ATP6V0D2: variants seen among roughly 807,000 people sequenced by gnomAD.
The protein encoded by ATP6V0D2 is ATPase H+ transporting V0 subunit d2.
ATP6V0D2 carries 40 observed loss-of-function variants against 40.0 expected under a neutral mutation model. The ratio of observed to expected loss-of-function variants is 1.00; its 90% CI spans 0.78 to 1.30. The LOEUF (loss-of-function observed/expected upper bound fraction) is 1.30, where lower values mean the gene tolerates loss of function less well. Among genes scored for constraint, ATP6V0D2 ranks in the 50% most tolerant of loss-of-function variants. The pLI is 0.00. For synonymous variants in ATP6V0D2, 179 were observed against 156.3 expected, an observed-to-expected ratio of 1.15 and a Z score of -1.08; for missense variants, 470 against 423.1, an observed-to-expected ratio of 1.11 and a Z score of -0.97.
intron 2 of ATP6V0D2, among the ~76,000 whole-genome samples, chr8:86,134,822 C>A (rs1818876608): frequency 6.6e-6 from 1 of 152,090 alleles, no homozygotes; most frequent in African/African-American, 2.4e-5. Flanking sequence ...TATATCAATA[C>A]CATGGAATAC....
At chr8:86,137,721 C>T (rs138190128) in intron 2 of ATP6V0D2, among the ~76,000 whole-genome samples, 267 of 152,234 alleles carry the variant, frequency 1.8e-3, no homozygotes, top group Admixed American at 2.8e-3. Flanking sequence ...ACACATCACC[C>T]CAAAAACTAA....
intron 2 of ATP6V0D2, among the ~76,000 whole-genome samples, chr8:86,116,941 TG>T (rs1818597638): frequency 6.6e-6 from 1 of 152,232 alleles, no homozygotes; most frequent in African/African-American, 2.4e-5. Context: ...AGTATCTCTT[TG>T]CTTCAATTTA....
chr8:86,148,964 G>T (rs913160336), intron 5 of ATP6V0D2, among the ~76,000 whole-genome samples: 2 of 146,940 alleles, frequency 1.4e-5, no homozygotes, highest in Admixed American at 6.9e-5. Flanking sequence ...CACTTGGGAG[G>T]CTGAGGTGGG....
At chr8:86,136,055 T>A (rs1466976120) in intron 2 of ATP6V0D2, among the ~76,000 whole-genome samples, 1 of 152,166 alleles carries the variant, frequency 6.6e-6, no homozygotes, top group Admixed American at 6.5e-5. Flanking sequence ...GAGACACCCC[T>A]GCCCCTCATT....
intron 2 of ATP6V0D2, among the ~76,000 whole-genome samples, chr8:86,120,840 T>C (rs567238707): frequency 2.0e-5 from 3 of 152,300 alleles, no homozygotes; most frequent in Admixed American, 1.3e-4. Flanking sequence ...TCTAGCAAGA[T>C]AATGATCTCA....
intron 1 of ATP6V0D2, 55 bp from the exon 2 acceptor site, chr8:86,113,654 A>G (rs1818554195): frequency 1.4e-6 from 2 of 1,457,032 alleles, no homozygotes; most frequent in South Asian, 2.7e-5. Flanking sequence ...ATGTTGAAAA[A>G]GCTATTTGTG....
rs1818993685 is a variant in ATP6V0D2 at position 86,142,820 on chromosome 8, AT to A, written c.562-53del. On this transcript the variant is annotated intron_variant, in intron 4 of 7. Coordinates refer to ENST00000285393, the MANE Select transcript of ATP6V0D2 (RefSeq NM_152565.1). ...TAAACCATGAAAAGCTGATCTAGAC[AT>A]TTTCAAAAGGAATATATATTCATTA... The A allele has an allele frequency of 8.8e-6, 10 of 1,141,398 alleles. No individual in the cohort carries two copies. In the South Asian group the frequency reaches 1.4e-4, roughly 16 times the overall value. The allele number at this position is 1,141,398 out of a possible 1,614,324, so 70.7% of individuals were successfully genotyped here. A position where few individuals can be genotyped will look rare whatever the true frequency, so the allele number is the denominator to read the frequency against.
chr8:86,104,825 C>A (rs978722619), intron 1 of ATP6V0D2, among the ~76,000 whole-genome samples: 1 of 134,678 alleles, frequency 7.4e-6, no homozygotes, highest in Admixed American at 7.7e-5. Flanking sequence ...AAAGACATAT[C>A]CAATTCTCTC....
intron 2 of ATP6V0D2, among the ~76,000 whole-genome samples, chr8:86,126,245 T>TATATATATATATATATATATATATATAG (rs1818742030): frequency 8.1e-6 from 1 of 123,998 alleles, no homozygotes; most frequent in Non-Finnish European, 1.7e-5. Flanking sequence ...CCTATATATA[T>TATATATATATATATATATATATATATAG]ATATATATAT....
At chr8:86,123,835 G>A (rs1342999207) in intron 2 of ATP6V0D2, among the ~76,000 whole-genome samples, 1 of 152,048 alleles carries the variant, frequency 6.6e-6, no homozygotes, top group Non-Finnish European at 1.5e-5. Context: ...CATTTTTAAA[G>A]AACTAACATT....
At chr8:86,128,698 G>A (rs1818778252) in intron 2 of ATP6V0D2, among the ~76,000 whole-genome samples, 1 of 152,166 alleles carries the variant, frequency 6.6e-6, no homozygotes, top group South Asian at 2.1e-4. Flanking sequence ...AGACAACTCT[G>A]GGGTTACAAG....
chr8:86,149,052 G>GAAAAAAA lies in ATP6V0D2; in HGVS notation c.640-1058_640-1057insAAAAAAA, dbSNP rs1166858589. 6.7e-4 allele frequency among the ~76,000 whole-genome samples: 46 copies of GAAAAAAA among 69,010 alleles called. 9 individuals are homozygous for GAAAAAAA. Among genetic ancestry groups the GAAAAAAA allele is most frequent in the African/African-American group, 2.4e-3 (36 of 15,276 alleles). The allele number at this position is 69,010 out of a possible 152,430, so 45.3% of individuals were successfully genotyped here. On this transcript the variant is annotated intron_variant, in intron 5 of 7. Coordinates refer to ENST00000285393, the MANE Select transcript of ATP6V0D2 (RefSeq NM_152565.1). Reference sequence around the variant, plus strand: ...ACAGAGTGAGACCCAATCTCCAAAGGAAGAAAAAAAAAAAAAAAAAAAACC... The same window carrying GAAAAAAA: ...ACAGAGTGAGACCCAATCTCCAAAGGAAAAAAAAAGAAAAAAAAAAAAAAAAAAAACC...
chr8:86,109,862 A>T (rs1438481469), intron 1 of ATP6V0D2, among the ~76,000 whole-genome samples: 1 of 152,172 alleles, frequency 6.6e-6, no homozygotes, highest in Non-Finnish European at 1.5e-5. Context: ...TGCAAGAACC[A>T]CATTGTCCCT....
At chr8:86,099,139 G>GAAAAA in intron 1 of ATP6V0D2, 31 bp downstream of exon 1, 1 of 1,307,212 alleles carries the variant, frequency 7.6e-7, no homozygotes, top group Non-Finnish European at 1.0e-6. Context: ...CCTTTAAAAA[G>GAAAAA]AAAAAAAAAA....
In ATP6V0D2 at chr8:86,139,620, A is replaced by G; in HGVS notation, c.466A>G (p.Ile156Val). Reference sequence around the variant, plus strand: ...TTCAGATCTCTTTAATGCCATTCTGATCGAAACGCCATTAGGTAGGAACAC... The same window carrying G: ...TTCAGATCTCTTTAATGCCATTCTGGTCGAAACGCCATTAGGTAGGAACAC... ...TPSDLFNAIL[I>V]ETPLAPFFQD... Residue 156 changes from isoleucine to valine, a missense_variant, in exon 3 of 8, where the codon ATC becomes GTC. Coordinates refer to ENST00000285393, the MANE Select transcript of ATP6V0D2 (RefSeq NM_152565.1). The G allele has an allele frequency of 6.3e-7, 1 of 1,597,324 alleles. No individual in the cohort carries two copies. The highest frequency in any genetic ancestry group is 8.5e-7 in the Non-Finnish European group (1 of 1,173,210).
At chr8:86,113,058 C>T (rs1466180563) in intron 1 of ATP6V0D2, among the ~76,000 whole-genome samples, 1 of 151,992 alleles carries the variant, frequency 6.6e-6, no homozygotes, top group Non-Finnish European at 1.5e-5. Flanking sequence ...CATTTGTATC[C>T]TCAACAGTTT....
At position 86,125,052 on chromosome 8, in the gene ATP6V0D2, A is replaced by T. The variant is rs372845130; in HGVS notation, c.302+11172A>T. On this transcript the variant is annotated intron_variant, in intron 2 of 7. Coordinates refer to ENST00000285393, the MANE Select transcript of ATP6V0D2 (RefSeq NM_152565.1). ...AGCGTTTGTAGGTGGACATGGCTGG[A>T]GAGAGGCAAACAGCAGAGAGAACAG... is the stretch of plus-strand genomic sequence containing the variant. Among the ~76,000 whole-genome samples the T allele has an allele frequency of 2.1e-4, 32 of 152,168 alleles. 1 individual carries two copies. The highest frequency in any genetic ancestry group is 1.6e-3 in the Admixed American group (24 of 15,264).
intron 2 of ATP6V0D2, among the ~76,000 whole-genome samples, chr8:86,128,058 C>G (rs1818770386): frequency 6.6e-6 from 1 of 151,980 alleles, no homozygotes; most frequent in Admixed American, 6.6e-5. Flanking sequence ...GTTTGGATGA[C>G]AAAGACCCTG....
At chr8:86,103,106 T>G (rs184670791) in intron 1 of ATP6V0D2, among the ~76,000 whole-genome samples, 2 of 152,034 alleles carry the variant, frequency 1.3e-5, no homozygotes, top group Non-Finnish European at 2.9e-5. Context: ...GGGAGGTCAT[T>G]CTGGATTAAG....
Sources: gnomAD v4.1 joint callset for allele counts (sites outside exome capture counted in the v4.1 genomes callset) on GRCh38, gnomAD v4.1.1 for gene constraint, MANE v1.5 for transcripts, NCBI Gene and HGNC (gene_info 2026-07-23, HGNC 2026-07-21) for gene names.